Variants in ALK observed in about 807,000 individuals in gnomAD.
ALK encodes the protein ALK tyrosine kinase receptor.
In ALK, 74 loss-of-function variants were observed where a neutral mutation model predicts 163.1. The ratio of observed to expected loss-of-function variants is 0.45; its 90% CI spans 0.38 to 0.55. The LOEUF is 0.55. Ranked by LOEUF, ALK falls within the 20% of genes least tolerant of loss-of-function variation. The pLI, the probability that ALK is intolerant of heterozygous loss-of-function variation, is 0.00. For synonymous variants in ALK, 960 were observed against 843.2 expected (o/e 1.14, Z -2.40); for missense variants, 2,063 against 2,105.3 (o/e 0.98, Z 0.39).
chr2:29,376,744 C>G (rs1425646861), intron 5 of ALK, among the ~76,000 whole-genome samples: 1 of 152,168 alleles, frequency 6.6e-6, no homozygotes, highest in Non-Finnish European at 1.5e-5. Context: ...TGCTAGGAGC[C>G]CATGAAGTAA....
rs562703809 is a variant in ALK, at chr2:29,263,742, G to A, written c.2041+11357C>T. Reference sequence around the variant, plus strand: ...GTTGCAGCAGCCATTTTGTAACCATGAGGCAACAAGCATGAAGAAAAGGCC... The same window carrying A: ...GTTGCAGCAGCCATTTTGTAACCATAAGGCAACAAGCATGAAGAAAAGGCC... On this transcript the variant is annotated intron_variant, in intron 11 of 28. Transcript: ENST00000389048. 3.3e-5 allele frequency among the ~76,000 whole-genome samples: 5 copies of A among 152,300 alleles called. No individual in the cohort carries two copies. The East Asian group carries it at 5.8e-4, about 18-fold the overall frequency.
chr2:29,227,586 G>A lies in ALK; in HGVS notation c.2902C>T (p.Pro968Ser). The A allele has an allele frequency of 6.2e-7, 1 of 1,613,814 alleles. No individual in the cohort carries two copies. Among genetic ancestry groups the A allele is most frequent in the Non-Finnish European group, 8.5e-7 (1 of 1,179,750 alleles). Residue 968 changes from proline to serine, a missense_variant, in exon 17 of 29, where the codon CCA becomes TCA. Pro to Ser is a moderately conservative substitution (Grantham distance 74, BLOSUM62 -1). This residue lies in a region of ALK where 575 missense variants were observed against 626.6 expected (regional missense o/e 0.92). Coordinates refer to ENST00000389048, the MANE Select transcript of ALK (RefSeq NM_004304.5). This position sits in a 1 kb window ranked among gnomAD's most constrained non-coding sequence, Gnocchi z 4.4. ...GCAGAGAAGCTACCTTTTAAAGCTG[G>A]GGTGTACAGGATGCCCAGTGGACTG... ...FISPLGILYTPALKVMEGHGE... is the reference protein window; with the variant it reads ...FISPLGILYTSALKVMEGHGE...
intron 3 of ALK, among the ~76,000 whole-genome samples, chr2:29,569,571 C>T (rs866271570): frequency 3.8e-4 from 58 of 151,700 alleles, no homozygotes; most frequent in South Asian, 2.1e-4. Context: ...CTTCCCCCCC[C>T]CTAGTGAGGT....
intron 9 of ALK, among the ~76,000 whole-genome samples, chr2:29,290,594 A>G (rs1399615026): frequency 6.6e-6 from 1 of 152,262 alleles, no homozygotes; most frequent in Non-Finnish European, 1.5e-5. Context: ...TATTTAGCAC[A>G]GTGTACCAAC....
chr2:29,848,503 T>A (rs2148399184), intron 1 of ALK, among the ~76,000 whole-genome samples: 1 of 152,306 alleles, frequency 6.6e-6, no homozygotes, highest in East Asian at 1.9e-4. Context: ...TTCTAAAGTG[T>A]TTCTGCTAGC....
chr2:29,310,138 G>A (rs997189428), intron 8 of ALK, among the ~76,000 whole-genome samples: 4 of 152,078 alleles, frequency 2.6e-5, no homozygotes, highest in African/African-American at 9.7e-5. Context: ...GGCAGAGCTG[G>A]GATCTAAACT....
At chr2:29,792,241 T>A (rs113171129) in intron 1 of ALK, among the ~76,000 whole-genome samples, 2 of 152,202 alleles carry the variant, frequency 1.3e-5, no homozygotes, top group Non-Finnish European at 2.9e-5. Context: ...CAAAAACAGA[T>A]GGAACAGTGG....
At chr2:29,681,479 T>G (rs938652346) in intron 3 of ALK, among the ~76,000 whole-genome samples, 14 of 152,292 alleles carry the variant, frequency 9.2e-5, no homozygotes, top group Admixed American at 7.8e-4. Flanking sequence ...ATGTGTTTCT[T>G]TTCTTGCTTT....
At chr2:29,459,063 T>C (rs1671024760) in intron 4 of ALK, among the ~76,000 whole-genome samples, 1 of 152,156 alleles carries the variant, frequency 6.6e-6, no homozygotes, top group Admixed American at 6.5e-5. Context: ...TAGGACTGAA[T>C]TTATATTTTA....
At chr2:29,600,888 G>C (rs1197197945) in intron 3 of ALK, among the ~76,000 whole-genome samples, 1 of 152,214 alleles carries the variant, frequency 6.6e-6, no homozygotes, top group Non-Finnish European at 1.5e-5. Flanking sequence ...AAAGGGCTCA[G>C]TATTTCTACT....
At position 29,650,500 on chromosome 2, in the gene ALK, G is replaced by A. The variant is rs542900438; in HGVS notation, c.952+44350C>T. Among the ~76,000 whole-genome samples the A allele has an allele frequency of 3.9e-5, 6 of 152,244 alleles. No individual in the cohort carries two copies. In the East Asian group the frequency reaches 5.8e-4, roughly 15 times the overall value. On this transcript the variant is annotated intron_variant, in intron 3 of 28. Transcript: ENST00000389048. ...AAGATTTGGGGTCTTAAGACGTCCC[G>A]GGGCTTCCTTAACAATCGACTTCCT... is the stretch of plus-strand genomic sequence containing the variant.
At chr2:29,551,948 A>C (rs1301413978) in intron 3 of ALK, among the ~76,000 whole-genome samples, 1 of 152,208 alleles carries the variant, frequency 6.6e-6, no homozygotes, top group East Asian at 1.9e-4. Context: ...AACTATCATC[A>C]CAACCCAATT....
chr2:29,331,784 C>A (rs1184523518), intron 5 of ALK, among the ~76,000 whole-genome samples: 1 of 152,132 alleles, frequency 6.6e-6, no homozygotes. Flanking sequence ...TCTATTCTTT[C>A]TACTTAGTAG....
chr2:29,827,712 A>C (rs959626751), intron 1 of ALK, among the ~76,000 whole-genome samples: 7 of 152,234 alleles, frequency 4.6e-5, no homozygotes, highest in African/African-American at 2.4e-5. Flanking sequence ...GGGTAGGAAG[A>C]ATCAATATCG....
intron 5 of ALK, among the ~76,000 whole-genome samples, chr2:29,372,539 C>T (rs1446127553): frequency 6.6e-6 from 1 of 152,354 alleles, no homozygotes; most frequent in East Asian, 1.9e-4. Context: ...TGATTTTCCA[C>T]TAGGTTCCAG....
At chr2:29,345,788 C>G (rs780369784) in intron 5 of ALK, among the ~76,000 whole-genome samples, 1 of 151,974 alleles carries the variant, frequency 6.6e-6, no homozygotes, top group African/African-American at 2.4e-5. Flanking sequence ...TTTGAAGAAC[C>G]CTTATTAACA....
At chr2:29,815,746 T>C (rs1162985983) in intron 1 of ALK, among the ~76,000 whole-genome samples, 1 of 152,220 alleles carries the variant, frequency 6.6e-6, no homozygotes, top group Admixed American at 6.5e-5. Context: ...TCGTACCTCC[T>C]GTCCACTGTC....
chr2:29,581,367 G>A (rs552024949), intron 3 of ALK, among the ~76,000 whole-genome samples: 2 of 152,086 alleles, frequency 1.3e-5, no homozygotes, highest in Admixed American at 6.6e-5. Context: ...CAGCCTGGGC[G>A]ACAGAGTGAG....
At chr2:29,461,255 T>G (rs1671077485) in intron 4 of ALK, among the ~76,000 whole-genome samples, 1 of 152,194 alleles carries the variant, frequency 6.6e-6, no homozygotes, top group African/African-American at 2.4e-5. Flanking sequence ...AAGCAGCAAG[T>G]GCTGATGGAG....
Sources: allele counts gnomAD v4.1 joint callset (sites outside exome capture counted in the v4.1 genomes callset), GRCh38; gene constraint gnomAD v4.1.1; regional missense constraint gnomAD v4.1.1; non-coding constraint Gnocchi (gnomAD v3.1); transcripts MANE v1.5; gene names NCBI Gene and HGNC (gene_info 2026-07-23, HGNC 2026-07-21).